Variants in FBN2 observed in about 807,000 individuals in gnomAD.
FBN2 encodes fibrillin-2.
Under a neutral mutation model 355.6 loss-of-function variants are expected in FBN2, and 105 were observed. The observed-to-expected ratio is 0.30, with a 90% confidence interval of 0.25 to 0.35. The LOEUF is 0.35. Among genes scored for constraint, FBN2 ranks in the 10% least tolerant of loss-of-function variants. The pLI is 1.00. For synonymous variants in FBN2, 1,350 were observed against 1,301.2 expected (o/e 1.04, Z -0.81); for missense variants, 3,280 against 3,758.7 (o/e 0.87, Z 3.33).
At chr5:128,326,176 TAC>T in intron 34 of FBN2, among the ~76,000 whole-genome samples, 1 of 152,208 alleles carries the variant, frequency 6.6e-6, no homozygotes, top group East Asian at 1.9e-4. Context: ...TCTACTTTAG[TAC>T]AGTTTAAATA....
At position 128,378,799 on chromosome 5, in the gene FBN2, C is replaced by G; in HGVS notation, c.1695G>C (p.Gln565His). 4.3e-6 allele frequency: 7 copies of G among 1,613,210 alleles called. No homozygotes were observed. The highest frequency in any genetic ancestry group is 5.9e-6 in the Non-Finnish European group (7 of 1,179,384). ...TGCATGCTTGCTTGGTAGGAGTCCTCTGGAATCCAGCATGACATTTACAAT... is the reference window on the plus strand; with the variant it reads ...TGCATGCTTGCTTGGTAGGAGTCCTGTGGAATCCAGCATGACATTTACAAT... Reference protein sequence around the residue: ...SYYCKCHAGFQRTPTKQACID... With the variant: ...SYYCKCHAGFHRTPTKQACID... Residue 565 changes from glutamine (Q) to histidine (H), a missense_variant, in exon 12 of 65, where the codon CAG becomes CAC. Transcript: ENST00000262464.
At chr5:128,371,711 T>C (rs1217760611) in intron 15 of FBN2, among the ~76,000 whole-genome samples, 1 of 152,062 alleles carries the variant, frequency 6.6e-6, no homozygotes, top group Non-Finnish European at 1.5e-5. Flanking sequence ...TTTTGTATTT[T>C]TAGTAGAGAT....
At position 128,377,864 on chromosome 5, in the gene FBN2, G is replaced by A; in HGVS notation, c.1737C>T (p.Cys579=). 3 of 1,613,180 alleles carry A rather than the reference G, an allele frequency of 1.9e-6. No homozygotes were observed. Among genetic ancestry groups the A allele is most frequent in the Non-Finnish European group, 1.7e-6 (2 of 1,179,316 alleles). ...TTTTACAAAGAACCCCATTCTGGAT[G>A]CACTCATCAATATCTAGGAAGATTG... ...TKQACIDIDE[C]IQNGVLCKNG... Residue 579 remains cysteine (C), a synonymous_variant, in exon 13 of 65, where the codon TGC becomes TGT. Coordinates refer to ENST00000262464, the MANE Select transcript of FBN2 (RefSeq NM_001999.4).
intron 8 of FBN2, among the ~76,000 whole-genome samples, chr5:128,403,116 A>T (rs1474648885): frequency 1.3e-5 from 2 of 152,144 alleles, no homozygotes; most frequent in African/African-American, 4.8e-5. Context: ...ATGCATGTGG[A>T]ATCAACAGCC....
At chr5:128,397,706 G>T (rs1448156383) in intron 8 of FBN2, among the ~76,000 whole-genome samples, 1 of 152,154 alleles carries the variant, frequency 6.6e-6, no homozygotes, top group Non-Finnish European at 1.5e-5. Flanking sequence ...CGCATGAAAT[G>T]AAGGATAAAA....
Position 128,461,120 on chromosome 5 carries a change from T to A in FBN2, c.826+3604A>T, listed in dbSNP as rs1754543157. 2.0e-5 allele frequency among the ~76,000 whole-genome samples: 3 copies of A among 152,292 alleles called. No homozygotes were observed. In the South Asian group the frequency reaches 6.2e-4, roughly 32 times the overall value. On this transcript the variant is annotated intron_variant, in intron 6 of 64. Coordinates refer to ENST00000262464, the MANE Select transcript of FBN2 (RefSeq NM_001999.4). ...ATCTACCCATCTAACAAAGGTCTAA[T>A]ATCCAGAATTTATAAGGAACTTAAA...
At chr5:128,310,383 TATATATATATATA>T (rs1561763393) in intron 39 of FBN2, among the ~76,000 whole-genome samples, 11 of 13,990 alleles carry the variant, frequency 7.9e-4, no homozygotes, top group African/African-American at 2.1e-3. Context: ...TATATATATA[TATATATATATATA>T]TATATATTTT....
intron 5 of FBN2, among the ~76,000 whole-genome samples, chr5:128,483,999 T>A (rs1045734715): frequency 2.0e-5 from 3 of 152,286 alleles, no homozygotes; most frequent in East Asian, 3.9e-4. Context: ...TTGGGCTGCC[T>A]AATATACTTC....
rs565950341 is a variant in FBN2 at position 128,397,902 on chromosome 5, G to T, written c.1079-2628C>A. The stretch of plus-strand genomic sequence containing the variant: ...CCAATACATAACAGAAAACTCCCTC[G>T]TAAGGTAGGGTTCCAAAGAGCCATA... On this transcript the variant is annotated intron_variant, in intron 8 of 64. Transcript: ENST00000262464. Among the ~76,000 whole-genome samples the T allele has an allele frequency of 3.3e-5, 5 of 152,042 alleles. No homozygotes were observed. The South Asian group carries it at 1.0e-3, about 32-fold the overall frequency.
intron 48 of FBN2, 68 bp from the exon 49 acceptor site, chr5:128,291,722 C>A: frequency 2.9e-6 from 4 of 1,377,430 alleles, no homozygotes; most frequent in Non-Finnish European, 4.1e-6. Context: ...CATACTATCA[C>A]TGTCCACTAG....
intron 5 of FBN2, among the ~76,000 whole-genome samples, chr5:128,492,120 G>T (rs1488294183): frequency 6.6e-6 from 1 of 152,050 alleles, no homozygotes; most frequent in Non-Finnish European, 1.5e-5. Flanking sequence ...GAGGGTGCTT[G>T]TGTGTCTTCA....
intron 51 of FBN2, 96 bp from the exon 52 acceptor site, chr5:128,289,348 C>T (rs1749255162): frequency 3.1e-6 from 4 of 1,309,480 alleles, no homozygotes; most frequent in Non-Finnish European, 4.4e-6. Flanking sequence ...CTTTGGGAGG[C>T]CGAGGTGGGT....
chr5:128,338,432 T>C (rs1391900647), intron 26 of FBN2, among the ~76,000 whole-genome samples: 1 of 152,190 alleles, frequency 6.6e-6, no homozygotes, highest in Non-Finnish European at 1.5e-5. Flanking sequence ...TCAGTTATCC[T>C]GGTGTCTGTA....
At chr5:128,314,362 T>C (rs1016656018) in intron 36 of FBN2, among the ~76,000 whole-genome samples, 2 of 152,158 alleles carry the variant, frequency 1.3e-5, no homozygotes, top group Non-Finnish European at 2.9e-5. Flanking sequence ...AGTCTTCCTC[T>C]GTTGCCAAGC....
chr5:128,453,649 C>CT (rs894188896), intron 6 of FBN2, among the ~76,000 whole-genome samples: 3 of 151,742 alleles, frequency 2.0e-5, no homozygotes, highest in East Asian at 1.9e-4. Context: ...TGTTGGTTTT[C>CT]TTTTTTTTCA....
chr5:128,425,570 T>A (rs1183235780), intron 7 of FBN2, among the ~76,000 whole-genome samples: 1 of 152,196 alleles, frequency 6.6e-6, no homozygotes, highest in Non-Finnish European at 1.5e-5. Flanking sequence ...AAACAAATTT[T>A]TGCATAATGC....
At chr5:128,288,677 T>C in intron 52 of FBN2, 120 bp from the exon 53 acceptor site, 1 of 1,123,830 alleles carries the variant, frequency 8.9e-7, no homozygotes, top group Non-Finnish European at 1.3e-6. Flanking sequence ...CATGTAACCC[T>C]GGCATCCCTT....
chr5:128,409,533 ACTTCT>A (rs1448954261), intron 7 of FBN2, among the ~76,000 whole-genome samples: 2 of 152,330 alleles, frequency 1.3e-5, no homozygotes, highest in Middle Eastern at 6.8e-3. Flanking sequence ...CTTTTAATGT[ACTTCT>A]CTTCTAGTTC....
intron 5 of FBN2, among the ~76,000 whole-genome samples, chr5:128,469,916 G>GTC (rs1466562763): frequency 2.4e-4 from 37 of 152,352 alleles, no homozygotes; most frequent in African/African-American, 8.7e-4. Context: ...CCCAACAGGA[G>GTC]ACGTCCAGTG....
Sources: allele counts gnomAD v4.1 joint callset (sites outside exome capture counted in the v4.1 genomes callset), GRCh38; gene constraint gnomAD v4.1.1; transcripts MANE v1.5; gene names NCBI Gene and HGNC (gene_info 2026-07-23, HGNC 2026-07-21).